Variants in PLEKHA6 observed in about 807,000 individuals in gnomAD.
PLEKHA6 encodes the protein pleckstrin homology domain containing A6.
Under a neutral mutation model 116.7 loss-of-function variants are expected in PLEKHA6, and 60 were observed. The ratio of observed to expected loss-of-function variants is 0.51; its 90% CI spans 0.42 to 0.64. The LOEUF (loss-of-function observed/expected upper bound fraction) is 0.64. PLEKHA6 is among the 30% of genes least tolerant of loss of function. The probability of loss-of-function intolerance (pLI) is 0.00; values close to 1 mark genes in which losing one functional copy is unlikely to be tolerated. For missense variants in PLEKHA6, 1,338 were observed against 1,422.7 expected (o/e 0.94, Z 0.96); for synonymous variants, 489 against 556.1 (o/e 0.88, Z 1.70).
chr1:204,351,912 A>G (rs1020653557), intron 1 of PLEKHA6, among the ~76,000 whole-genome samples: 4 of 152,324 alleles, frequency 2.6e-5, no homozygotes, highest in African/African-American at 7.2e-5. Context: ...CATCTCTACT[A>G]AAAATACAAA....
chr1:204,349,304 C>T (rs1385421433), intron 1 of PLEKHA6, among the ~76,000 whole-genome samples: 3 of 152,028 alleles, frequency 2.0e-5, no homozygotes, highest in East Asian at 1.9e-4. Flanking sequence ...TTTGGGAGGC[C>T]GAGGCGGGCG....
intron 1 of PLEKHA6, chr1:204,327,105 T>C: frequency 1.5e-6 from 1 of 651,390 alleles, no homozygotes; most frequent in Middle Eastern, 7.6e-4. Flanking sequence ...TCTGCTCACA[T>C]GCTTGAGTCA....
chr1:204,266,461 A>G (rs1666832796), intron 5 of PLEKHA6, among the ~76,000 whole-genome samples: 1 of 151,526 alleles, frequency 6.6e-6, no homozygotes, highest in Non-Finnish European at 1.5e-5. Context: ...TTTCATTCCC[A>G]CTCTGGCTCC....
In PLEKHA6 at chr1:204,247,439, C is replaced by T. The variant is rs1198277678; in HGVS notation, c.1846G>A (p.Glu616Lys). The T allele has an allele frequency of 1.2e-6, 2 of 1,612,774 alleles. No homozygotes were observed. The highest frequency in any genetic ancestry group is 1.3e-5 in the African/African-American group (1 of 74,996). The change falls in exon 13 of 23, where the codon GAG (glutamate) becomes AAG (lysine). Residue 616 changes from glutamate to lysine, a missense_variant. This residue lies in a region of PLEKHA6 where 1,136 missense variants were observed against 1,163.6 expected (regional missense o/e 0.98). Coordinates refer to ENST00000272203, the MANE Select transcript of PLEKHA6 (RefSeq NM_014935.5). ...ACCTCAGACTCGAGGTGCTCATACT[C>T]TATGGTGCTGTTTGTCAGGGCCTAC... ...ATTALTNSTI[E>K]YEHLESEVSA...
chr1:204,228,742 G>C lies in PLEKHA6; in HGVS notation c.2871C>G (p.Leu957=), dbSNP rs61755453. The C allele has an allele frequency of 1.9e-5, 30 of 1,613,858 alleles. No individual in the cohort carries two copies. The highest frequency in any genetic ancestry group is 2.3e-5 in the Non-Finnish European group (27 of 1,179,910). Reference sequence around the variant, plus strand: ...AGGCTGGTTACCTGGATTTGGCAATGAGTGTCTTGATCCTCTCCACCTTCT... The same window carrying C: ...AGGCTGGTTACCTGGATTTGGCAATCAGTGTCTTGATCCTCTCCACCTTCT... ...KQKKVERIKT[L]IAKSSMQNVV... is the part of the protein sequence containing the mutation. The change falls in exon 20 of 23, where the codon CTC becomes CTG. Residue 957 remains leucine (L), a synonymous_variant. Transcript: ENST00000272203. The surrounding 1 kb of genome is among the most constrained non-coding windows in gnomAD (Gnocchi z 4.0).
Position 204,223,617 on chromosome 1 carries a change from G to C in PLEKHA6, c.3032-32C>G. The C allele has an allele frequency of 1.6e-6, 1 of 644,342 alleles. No individual in the cohort carries two copies. The highest frequency in any genetic ancestry group is 4.3e-4 in the Middle Eastern group (1 of 2,322). 39.9% of individuals were successfully genotyped at this position (644,342 alleles called of 1,614,324 possible). ...ACAGAAATGAACAGGGAGGTGAATG[G>C]GGGTGGGTGGGGGAGGAGGGTGGGC... On this transcript the variant is annotated intron_variant, in intron 21 of 22. Coordinates refer to ENST00000272203, the MANE Select transcript of PLEKHA6 (RefSeq NM_014935.5). The surrounding 1 kb of genome is among the most constrained non-coding windows in gnomAD (Gnocchi z 4.8).
In PLEKHA6 at chr1:204,219,111, G is replaced by C. The variant is rs1307897658; in HGVS notation, c.*3677C>G. 1 of 152,320 alleles carries C rather than the reference G, an allele frequency of 6.6e-6. No individual in the cohort carries two copies. The highest frequency in any genetic ancestry group is 1.5e-5 in the Non-Finnish European group (1 of 67,988). 9.4% of individuals were successfully genotyped at this position (152,320 alleles called of 1,614,324 possible). Reference sequence around the variant, plus strand: ...TATCTAACCTTCACCCTTCTTCTAAGGCCACTTTTATGCTAAATAAAGACA... The same window carrying C: ...TATCTAACCTTCACCCTTCTTCTAACGCCACTTTTATGCTAAATAAAGACA... On this transcript the variant is annotated 3_prime_UTR_variant, in exon 23 of 23. Transcript: ENST00000272203.
chr1:204,369,323 G>A (rs1447161012), intron 2 of PLEKHA6: 1 of 152,212 alleles, frequency 6.6e-6, no homozygotes, highest in Non-Finnish European at 1.5e-5. Context: ...CACACAGGAA[G>A]TGTCTGGGCC....
chr1:204,312,648 G>A (rs1056064334), intron 1 of PLEKHA6, among the ~76,000 whole-genome samples: 11 of 152,168 alleles, frequency 7.2e-5, no homozygotes, highest in Admixed American at 3.3e-4. Context: ...CCCAGGAGAG[G>A]ACCACAGGAC....
chr1:204,359,511 T>C (rs1673509408), intron 1 of PLEKHA6, 183 bp downstream of exon 1: 1 of 633,602 alleles, frequency 1.6e-6, no homozygotes, highest in Non-Finnish European at 2.0e-6. Flanking sequence ...GGGAGGGCTA[T>C]AATTAGCATT....
At chr1:204,293,019 C>G (rs921629671) in intron 1 of PLEKHA6, among the ~76,000 whole-genome samples, 1 of 152,140 alleles carries the variant, frequency 6.6e-6, no homozygotes, top group Non-Finnish European at 1.5e-5. Context: ...TGGAGCCCCA[C>G]CTCTCTCCCC....
chr1:204,261,652 CGT>C lies in PLEKHA6; in HGVS notation c.382-206_382-205del. On this transcript the variant is annotated intron_variant, in intron 6 of 22. Coordinates refer to ENST00000272203, the MANE Select transcript of PLEKHA6 (RefSeq NM_014935.5). The surrounding 1 kb of genome is among the most constrained non-coding windows in gnomAD (Gnocchi z 4.0). ...CCCCGAGGGTTCCAGCTGGTACCCA[CGT>C]ATCCACCTTGGCTGGCTCTCTGGGC... is the stretch of plus-strand genomic sequence containing the variant. 1 of 586,318 alleles carries C rather than the reference CGT, an allele frequency of 1.7e-6. No individual in the cohort carries two copies. 36.3% of individuals were successfully genotyped at this position (586,318 alleles called of 1,614,324 possible).
intron 1 of PLEKHA6, chr1:204,347,155 T>G: frequency 1.8e-6 from 2 of 1,132,764 alleles, no homozygotes; most frequent in Non-Finnish European, 2.6e-6. Context: ...ATCACCTTTC[T>G]TATAGACTCG....
chr1:204,352,865 G>T (rs953318868), intron 1 of PLEKHA6, among the ~76,000 whole-genome samples: 3 of 151,810 alleles, frequency 2.0e-5, no homozygotes, highest in Admixed American at 2.0e-4. Context: ...CATGCCTGTG[G>T]TCCCAGCTAC....
chr1:204,293,198 G>A (rs958740409), intron 1 of PLEKHA6, among the ~76,000 whole-genome samples: 2 of 152,058 alleles, frequency 1.3e-5, no homozygotes, highest in African/African-American at 4.8e-5. Context: ...GCAGTGGCGC[G>A]ATCTTGGCTC....
At chr1:204,309,328 C>T (rs1424035095) in intron 1 of PLEKHA6, among the ~76,000 whole-genome samples, 1 of 152,168 alleles carries the variant, frequency 6.6e-6, no homozygotes, top group Non-Finnish European at 1.5e-5. Flanking sequence ...TTAAGATTGA[C>T]CACCCACTGA....
chr1:204,269,792 C>T (rs956804750), intron 3 of PLEKHA6, among the ~76,000 whole-genome samples: 2 of 152,176 alleles, frequency 1.3e-5, no homozygotes, highest in African/African-American at 4.8e-5. Context: ...CTTAGCTCCA[C>T]CGATCATCTC....
chr1:204,267,432 C>T (rs1365689158), intron 5 of PLEKHA6, 43 bp downstream of exon 5: 4 of 1,549,204 alleles, frequency 2.6e-6, no homozygotes, highest in Non-Finnish European at 3.6e-6. Context: ...AGTAGTGGGT[C>T]CTGGCTTCCT....
intron 13 of PLEKHA6, 69 bp from the exon 14 acceptor site, chr1:204,245,795 G>C (rs1455474562): frequency 8.0e-6 from 9 of 1,124,666 alleles, no homozygotes; most frequent in Non-Finnish European, 1.2e-5. Context: ...TCTCAGCCCA[G>C]ACCCCTTGGA....
Sources: allele counts gnomAD v4.1 joint callset (sites outside exome capture counted in the v4.1 genomes callset), GRCh38; gene constraint gnomAD v4.1.1; regional missense constraint gnomAD v4.1.1; non-coding constraint Gnocchi (gnomAD v3.1); transcripts MANE v1.5; gene names NCBI Gene and HGNC (gene_info 2026-07-23, HGNC 2026-07-21).